The following ZNF354B variants were observed in gnomAD, a reference collection of about 807,000 sequenced individuals.
ZNF354B encodes zinc finger protein 354B.
In ZNF354B, 10 loss-of-function variants were observed where a neutral mutation model predicts 12.9. That is an observed-to-expected ratio of 0.77 (90% CI 0.48 to 1.31). The LOEUF (loss-of-function observed/expected upper bound fraction) is 1.31. Among genes scored for constraint, ZNF354B ranks in the 40% most tolerant of loss-of-function variants. The pLI, the probability that ZNF354B is intolerant of heterozygous loss-of-function variation, is 0.00. For missense variants in ZNF354B, 614 were observed against 711.7 expected, an observed-to-expected ratio of 0.86 and a Z score of 1.56; for synonymous variants, 260 against 243.7, an observed-to-expected ratio of 1.07 and a Z score of -0.62.
chr5:178,878,953 A>G (rs111926196), intron 4 of ZNF354B, among the ~76,000 whole-genome samples: 22,537 of 152,002 alleles, frequency 0.15, 2,053 homozygotes, highest in African/African-American at 0.25. Flanking sequence ...CACCCGCCTC[A>G]GCCTCCCAAA....
intron 2 of ZNF354B, among the ~76,000 whole-genome samples, chr5:178,863,638 CT>C (rs1421220178): frequency 6.6e-6 from 1 of 152,160 alleles, no homozygotes; most frequent in East Asian, 1.9e-4. Flanking sequence ...CTTCCTTTTG[CT>C]TGTTTTTTAA....
chr5:178,862,832 G>A (rs1757383060), intron 2 of ZNF354B, among the ~76,000 whole-genome samples: 2 of 152,176 alleles, frequency 1.3e-5, no homozygotes, highest in African/African-American at 4.8e-5. Context: ...CCCTGTGTGT[G>A]GGTGAGTCTC....
intron 4 of ZNF354B, among the ~76,000 whole-genome samples, chr5:178,870,034 G>T (rs1581811165): frequency 6.6e-6 from 1 of 152,232 alleles, no homozygotes; most frequent in East Asian, 1.9e-4. Context: ...CCTGTAGGCT[G>T]GGTGAGGTGG....
chr5:178,866,967 T>C lies in ZNF354B; in HGVS notation c.161-9T>C. On this transcript the variant is annotated splice_polypyrimidine_tract_variant and intron_variant, in intron 3 of 4. Coordinates refer to ENST00000322434, the MANE Select transcript of ZNF354B (RefSeq NM_058230.3). ...TGAGACTTTTGTTGTTGTTGTTGTTTATGTGCAGGACTCTCATTTACCAAA... is the reference window on the plus strand; with the variant it reads ...TGAGACTTTTGTTGTTGTTGTTGTTCATGTGCAGGACTCTCATTTACCAAA... The C allele has an allele frequency of 1.2e-6, 2 of 1,611,982 alleles. No homozygotes were observed. Among genetic ancestry groups the C allele is most frequent in the Non-Finnish European group, 1.7e-6 (2 of 1,178,534 alleles).
In ZNF354B at chr5:178,867,096, G is replaced by A. The variant is rs373892560; in HGVS notation, c.256+25G>A. 441 of 1,591,588 alleles carry A rather than the reference G, an allele frequency of 2.8e-4. 3 individuals carry two copies. The South Asian group carries it at 4.5e-3, about 16-fold the overall frequency. On this transcript the variant is annotated intron_variant, in intron 4 of 4. Coordinates refer to ENST00000322434, the MANE Select transcript of ZNF354B (RefSeq NM_058230.3). ...GGTAAGTGGGTGGCCCGAGGTGCTC[G>A]GGAATGGCCGCAGACAATGGTCTGG...
chr5:178,868,289 G>A (rs1198192824), intron 4 of ZNF354B, among the ~76,000 whole-genome samples: 3 of 149,012 alleles, frequency 2.0e-5, no homozygotes, highest in Admixed American at 1.3e-4. Flanking sequence ...CAGCATTTGC[G>A]AGGTGCTTAA....
chr5:178,877,848 C>CA (rs1343904588), intron 4 of ZNF354B, among the ~76,000 whole-genome samples: 1 of 152,192 alleles, frequency 6.6e-6, no homozygotes, highest in Non-Finnish European at 1.5e-5. Context: ...TCCAGAGTTT[C>CA]AAAATAGTTG....
intron 4 of ZNF354B, among the ~76,000 whole-genome samples, chr5:178,867,812 G>A (rs982053212): frequency 2.0e-5 from 3 of 152,220 alleles, no homozygotes; most frequent in African/African-American, 4.8e-5. Flanking sequence ...CTTGGAATGG[G>A]ATTGAGAATG....
In ZNF354B at chr5:178,884,042, T is replaced by C. The variant is rs1295545113; in HGVS notation, c.1590T>C (p.Ser530=). Residue 530 remains serine (S), a synonymous_variant, in exon 5 of 5, where the codon TCT becomes TCC. Transcript: ENST00000322434. ...KPYRCLECGM[S]FGQSAALIQH... is the part of the protein sequence containing the mutation. The stretch of plus-strand genomic sequence containing the variant: ...ATCGATGTTTAGAATGTGGGATGTC[T>C]TTTGGCCAAAGTGCAGCTCTTATAC... The C allele has an allele frequency of 1.2e-6, 2 of 1,614,098 alleles. No homozygotes were observed. The highest frequency in any genetic ancestry group is 1.7e-6 in the Non-Finnish European group (2 of 1,179,984).
intron 4 of ZNF354B, among the ~76,000 whole-genome samples, chr5:178,868,018 G>A (rs539079038): frequency 3.2e-4 from 49 of 152,316 alleles, no homozygotes; most frequent in Non-Finnish European, 6.2e-4. Context: ...GGAGGTGGAA[G>A]GGCCTGGATG....
chr5:178,871,586 T>G (rs1475817586), intron 4 of ZNF354B, among the ~76,000 whole-genome samples: 1 of 152,204 alleles, frequency 6.6e-6, no homozygotes, highest in Non-Finnish European at 1.5e-5. Context: ...TTCACTCCTG[T>G]TTTCCAAGAA....
intron 4 of ZNF354B, among the ~76,000 whole-genome samples, chr5:178,867,706 C>T (rs1308964445): frequency 4.6e-5 from 7 of 152,090 alleles, no homozygotes; most frequent in Non-Finnish European, 8.8e-5. Context: ...GGGACGCCAC[C>T]ATTTATGTCT....
At chr5:178,868,232 G>C (rs1757495098) in intron 4 of ZNF354B, among the ~76,000 whole-genome samples, 1 of 150,204 alleles carries the variant, frequency 6.7e-6, no homozygotes, top group Non-Finnish European at 1.5e-5. Flanking sequence ...TAGAAGCTTG[G>C]AGCTGGCCAG....
chr5:178,875,073 A>T (rs969358250), intron 4 of ZNF354B, among the ~76,000 whole-genome samples: 1 of 152,068 alleles, frequency 6.6e-6, no homozygotes, highest in African/African-American at 2.4e-5. Context: ...GTAGGCTCTT[A>T]CTCAGCTATG....
rs746156384 is a variant in ZNF354B at position 178,883,887 on chromosome 5, T to G, written c.1435T>G (p.Ser479Ala). 1.9e-6 allele frequency: 3 copies of G among 1,614,104 alleles called. No individual in the cohort carries two copies. The highest frequency in any genetic ancestry group is 2.5e-6 in the Non-Finnish European group (3 of 1,179,990). The change falls in exon 5 of 5, where the codon TCC becomes GCC. Residue 479 changes from serine to alanine, a missense_variant. Coordinates refer to ENST00000322434, the MANE Select transcript of ZNF354B (RefSeq NM_058230.3). ...ATGTGGAAAAGCCTTCAGACAGAGT[T>G]CCGCTCTCATTCAACATCAGAGAAT... ...KVCGKAFRQS[S>A]ALIQHQRMHT...
chr5:178,861,646 G>A (rs750267717), intron 2 of ZNF354B, among the ~76,000 whole-genome samples: 7 of 141,244 alleles, frequency 5.0e-5, no homozygotes, highest in Non-Finnish European at 8.0e-5. Context: ...GAGTTGGAGA[G>A]GTCGCTTGAC....
rs188431964 is a variant in ZNF354B, at chr5:178,861,445, C to T, written c.33+365C>T. Among the ~76,000 whole-genome samples, 300 of 152,342 alleles carry T rather than the reference C, an allele frequency of 2.0e-3. 1 individual carries two copies. The highest frequency in any genetic ancestry group is 7.0e-3 in the African/African-American group (293 of 41,576). On this transcript the variant is annotated intron_variant, in intron 2 of 4. Transcript: ENST00000322434. ...GCAGGAATACTTTCTCTTTTCACCCCTGAGAATCCTCATAACACCACCCCT... is the reference window on the plus strand; with the variant it reads ...GCAGGAATACTTTCTCTTTTCACCCTTGAGAATCCTCATAACACCACCCCT...
In ZNF354B at chr5:178,874,931, G is replaced by A. The variant is rs775758431; in HGVS notation, c.257-7778G>A. ...TTTTGAATGTTTTCAGAGGGCCAGT[G>A]TTTTATGCAGGGTGTTTATTTGTAG... On this transcript the variant is annotated intron_variant, in intron 4 of 4. Coordinates refer to ENST00000322434, the MANE Select transcript of ZNF354B (RefSeq NM_058230.3). Among the ~76,000 whole-genome samples the A allele has an allele frequency of 2.0e-4, 30 of 152,320 alleles. 1 individual carries two copies. Among genetic ancestry groups the A allele is most frequent in the African/African-American group, 6.5e-4 (27 of 41,564 alleles).
rs186682768 is a variant in ZNF354B at position 178,881,878 on chromosome 5, A to G, written c.257-831A>G. On this transcript the variant is annotated intron_variant, in intron 4 of 4. Coordinates refer to ENST00000322434, the MANE Select transcript of ZNF354B (RefSeq NM_058230.3). ...AGGATGGTCTCAATCCATTCTCTGG[A>G]CTTTTTAATATTATCTGCAAATAGA... Among the ~76,000 whole-genome samples, 23 of 152,278 alleles carry G rather than the reference A, an allele frequency of 1.5e-4. No individual in the cohort carries two copies. In the East Asian group the frequency reaches 4.4e-3, roughly 29 times the overall value.
Sources: gnomAD v4.1 joint callset for allele counts (sites outside exome capture counted in the v4.1 genomes callset) on GRCh38, gnomAD v4.1.1 for gene constraint, MANE v1.5 for transcripts, NCBI Gene and HGNC (gene_info 2026-07-23, HGNC 2026-07-21) for gene names.